Variants in CUL5 observed in about 807,000 individuals in gnomAD.
CUL5 encodes the protein cullin 5.
In CUL5, 26 loss-of-function variants were observed where a neutral mutation model predicts 108.8. That is an observed-to-expected ratio of 0.24 (90% CI 0.18 to 0.33). The LOEUF (loss-of-function observed/expected upper bound fraction) is 0.33. Among genes scored for constraint, CUL5 ranks in the 10% least tolerant of loss-of-function variants. The pLI is 1.00. For missense variants in CUL5, 524 were observed against 909.2 expected (o/e 0.58, Z 5.45); for synonymous variants, 334 against 298.0 (o/e 1.12, Z -1.25).
chr11:108,104,482 A>C lies in CUL5; in HGVS notation c.*98A>C. On this transcript the variant is annotated 3_prime_UTR_variant, in exon 19 of 19. Coordinates refer to ENST00000393094, the MANE Select transcript of CUL5 (RefSeq NM_003478.6). ...TGGAGAAAGGTTTATTTGGACTTTG[A>C]TTACATAAATATTAAAATCTCTGCC... The C allele has an allele frequency of 1.4e-6, 1 of 720,818 alleles. No homozygotes were observed. Among genetic ancestry groups the C allele is most frequent in the Non-Finnish European group, 2.2e-6 (1 of 447,052 alleles). The allele number at this position is 720,818 out of a possible 1,614,324, so 44.7% of individuals were successfully genotyped here.
At chr11:108,017,550 C>T (rs1446532231) in intron 1 of CUL5, among the ~76,000 whole-genome samples, 1 of 151,922 alleles carries the variant, frequency 6.6e-6, no homozygotes, top group East Asian at 1.9e-4. Context: ...GCGAAAACAA[C>T]GTGATAAGAA....
chr11:108,040,479 T>G (rs1307493348), intron 2 of CUL5, among the ~76,000 whole-genome samples: 4 of 151,972 alleles, frequency 2.6e-5, no homozygotes, highest in South Asian at 4.1e-4. Flanking sequence ...GGGTGTGGTG[T>G]TGTGCACCTG....
At chr11:108,080,369 A>G (rs1864048135) in intron 11 of CUL5, among the ~76,000 whole-genome samples, 1 of 152,110 alleles carries the variant, frequency 6.6e-6, no homozygotes. Flanking sequence ...GCTTACAGGC[A>G]TGAGCTACCA....
Position 108,094,592 on chromosome 11 carries a change from C to A in CUL5, c.1567+78C>A, listed in dbSNP as rs537982551. 6.7e-5 allele frequency: 63 copies of A among 945,996 alleles called. 1 individual carries two copies. The South Asian group carries it at 1.3e-3, about 19-fold the overall frequency. The allele number at this position is 945,996 out of a possible 1,614,324, so 58.6% of individuals were successfully genotyped here. Reference sequence around the variant, plus strand: ...TGTTTTCCAGTAAATTAAAAATAAACCTCAGCAGTAATAGATCGAAAGATG... The same window carrying A: ...TGTTTTCCAGTAAATTAAAAATAAAACTCAGCAGTAATAGATCGAAAGATG... On this transcript the variant is annotated intron_variant, in intron 14 of 18. Coordinates refer to ENST00000393094, the MANE Select transcript of CUL5 (RefSeq NM_003478.6).
intron 7 of CUL5, among the ~76,000 whole-genome samples, chr11:108,058,021 C>T (rs1173866567): frequency 2.0e-5 from 3 of 151,780 alleles, no homozygotes; most frequent in Non-Finnish European, 2.9e-5. Context: ...CCAGCCTGAC[C>T]TACATGGTGA....
intron 12 of CUL5, among the ~76,000 whole-genome samples, 184 bp downstream of exon 12, chr11:108,088,843 A>T (rs1864285136): frequency 6.6e-6 from 1 of 151,890 alleles, no homozygotes; most frequent in Admixed American, 6.6e-5. Context: ...TTTTTATTCT[A>T]CAGCTTCTTG....
chr11:108,044,739 A>T, intron 2 of CUL5, among the ~76,000 whole-genome samples: 1 of 149,148 alleles, frequency 6.7e-6, no homozygotes, highest in African/African-American at 2.5e-5. Flanking sequence ...TAATTTTTTT[A>T]CTTTTTTTTT....
chr11:108,019,551 T>A (rs1862279816), intron 1 of CUL5, among the ~76,000 whole-genome samples: 1 of 152,134 alleles, frequency 6.6e-6, no homozygotes. Flanking sequence ...GCTAAAAAAT[T>A]CCTATTGTCT....
rs11440201 is a variant in CUL5, at chr11:108,042,218, CTTTT to C, written c.135-4036_135-4033del. Among the ~76,000 whole-genome samples, 744 of 124,066 alleles carry C rather than the reference CTTTT, an allele frequency of 6.0e-3. 7 individuals are homozygous for C. The highest frequency in any genetic ancestry group is 0.022 in the African/African-American group (708 of 32,868). The allele number at this position is 124,066 out of a possible 152,430, so 81.4% of individuals were successfully genotyped here. A position where few individuals can be genotyped will look rare whatever the true frequency, so the allele number is the denominator to read the frequency against. ...GCAGTTACCTTAGTCATCCACAATT[CTTTT>C]TTTTTTTTTTTTTTTGAGACAGAGT... is the stretch of plus-strand genomic sequence containing the variant. On this transcript the variant is annotated intron_variant, in intron 2 of 18. Transcript: ENST00000393094.
At chr11:108,021,716 A>G (rs1455255606) in intron 1 of CUL5, among the ~76,000 whole-genome samples, 1 of 151,282 alleles carries the variant, frequency 6.6e-6, no homozygotes, top group Non-Finnish European at 1.5e-5. Context: ...GGGTCTCACC[A>G]TGTTGCCCAG....
Position 108,078,161 on chromosome 11 carries a change from A to T in CUL5, c.1114-15A>T. The T allele has an allele frequency of 2.1e-6, 3 of 1,436,812 alleles. No homozygotes were observed. The highest frequency in any genetic ancestry group is 2.9e-6 in the Non-Finnish European group (3 of 1,046,284). The allele number at this position is 1,436,812 out of a possible 1,614,324, so 89.0% of individuals were successfully genotyped here. Reference sequence around the variant, plus strand: ...TCAATATTAAAAATATTTTATTCCAAATTATTTTTTGCAGGCGTATAAAGC... The same window carrying T: ...TCAATATTAAAAATATTTTATTCCATATTATTTTTTGCAGGCGTATAAAGC... On this transcript the variant is annotated splice_polypyrimidine_tract_variant and intron_variant, in intron 10 of 18. Coordinates refer to ENST00000393094, the MANE Select transcript of CUL5 (RefSeq NM_003478.6).
chr11:108,086,519 C>T (rs1004110887), intron 11 of CUL5, among the ~76,000 whole-genome samples: 2 of 152,100 alleles, frequency 1.3e-5, no homozygotes, highest in African/African-American at 2.4e-5. Context: ...CACACCTGAG[C>T]CAGGCATTGC....
intron 7 of CUL5, among the ~76,000 whole-genome samples, chr11:108,062,021 G>T (rs532168917): frequency 6.6e-6 from 1 of 152,072 alleles, no homozygotes; most frequent in Admixed American, 6.5e-5. Flanking sequence ...CTCCCACCAG[G>T]TCCCTGTCTC....
chr11:108,056,720 A>G (rs931672785), intron 7 of CUL5, among the ~76,000 whole-genome samples: 5 of 152,190 alleles, frequency 3.3e-5, no homozygotes, highest in Non-Finnish European at 5.9e-5. Context: ...GGAGCTGGGA[A>G]TAAGAAGTAG....
chr11:108,098,697 C>T (rs1299291048), intron 18 of CUL5, among the ~76,000 whole-genome samples, 168 bp downstream of exon 18: 1 of 150,632 alleles, frequency 6.6e-6, no homozygotes, highest in African/African-American at 2.4e-5. Flanking sequence ...TCTTGGGCAA[C>T]AAAGTGAGAT....
intron 1 of CUL5, among the ~76,000 whole-genome samples, chr11:108,030,550 T>TG (rs1264400320): frequency 6.6e-5 from 10 of 152,160 alleles, no homozygotes; most frequent in Non-Finnish European, 1.0e-4. Flanking sequence ...GGCAGGAGAA[T>TG]CGCTTGAACC....
intron 11 of CUL5, among the ~76,000 whole-genome samples, chr11:108,087,660 C>T (rs1158074606): frequency 6.6e-6 from 1 of 152,124 alleles, no homozygotes; most frequent in East Asian, 1.9e-4. Flanking sequence ...ACAATATGCT[C>T]TGTTTAAATT....
At chr11:108,099,696 C>T (rs1864600777) in intron 18 of CUL5, among the ~76,000 whole-genome samples, 1 of 152,022 alleles carries the variant, frequency 6.6e-6, no homozygotes, top group African/African-American at 2.4e-5. Context: ...AGATACAGAA[C>T]ATTTGTGTCA....
chr11:108,047,120 C>A (rs1365097351), intron 3 of CUL5, among the ~76,000 whole-genome samples: 1 of 152,012 alleles, frequency 6.6e-6, no homozygotes, highest in Non-Finnish European at 1.5e-5. Context: ...GAGTTTGATA[C>A]CAGCCTGGGA....
Sources: allele counts gnomAD v4.1 joint callset (sites outside exome capture counted in the v4.1 genomes callset), GRCh38; gene constraint gnomAD v4.1.1; transcripts MANE v1.5; gene names NCBI Gene and HGNC (gene_info 2026-07-23, HGNC 2026-07-21).